Variants in ANOS1 observed in about 807,000 individuals in gnomAD.
The protein encoded by ANOS1 is anosmin 1, also known as anosmin-1.
ANOS1 carries 6 observed loss-of-function variants against 59.0 expected under a neutral mutation model. The observed-to-expected ratio is 0.10, with a 90% CI of 0.06 to 0.20. The LOEUF (loss-of-function observed/expected upper bound fraction) is 0.20. Ranked by LOEUF, ANOS1 falls within the 10% of genes least tolerant of loss-of-function variation. The pLI is 1.00. For missense variants in ANOS1, 433 were observed against 542.3 expected, an observed-to-expected ratio of 0.80 and a Z score of 2.00; for synonymous variants, 217 against 223.4, an observed-to-expected ratio of 0.97 and a Z score of 0.25.
intron 1 of ANOS1, among the ~76,000 whole-genome samples, chrX:8,707,849 G>T (rs774937525): frequency 8.9e-6 from 1 of 112,187 alleles, no homozygotes; most frequent in African/African-American, 3.2e-5. Context: ...GAAACTAATA[G>T]AATTGTGTTC....
Position 8,699,774 on chromosome X carries a change from T to C in ANOS1, c.208-29A>G, listed in dbSNP as rs1432561895. On this transcript the variant is annotated intron_variant, in intron 1 of 13. Coordinates refer to ENST00000262648, the MANE Select transcript of ANOS1 (RefSeq NM_000216.4). ...CAAAAAGAAAAAGGAAAAATATTGA[T>C]CCATTAGAAAGCTACACATACACAG... 8 of 1,112,075 alleles carry C rather than the reference T, an allele frequency of 7.2e-6. No homozygotes were observed. In the African/African-American group the frequency reaches 1.4e-4, roughly 20 times the overall value. 91.6% of individuals were successfully genotyped at this position (1,112,075 alleles called of 1,213,427 possible).
intron 2 of ANOS1, among the ~76,000 whole-genome samples, chrX:8,669,846 T>A (rs1487533294): frequency 1.8e-5 from 2 of 111,357 alleles, no homozygotes; most frequent in Non-Finnish European, 3.8e-5. Flanking sequence ...CAATTTAGAA[T>A]CCTATATAGA....
At chrX:8,705,600 C>T (rs1240279567) in intron 1 of ANOS1, among the ~76,000 whole-genome samples, 2 of 111,503 alleles carry the variant, frequency 1.8e-5, no homozygotes, top group Non-Finnish European at 3.8e-5. Context: ...GATGCTACCC[C>T]ATCACGATCC....
intron 8 of ANOS1, among the ~76,000 whole-genome samples, chrX:8,560,994 T>C (rs765810724): frequency 8.9e-6 from 1 of 112,208 alleles, no homozygotes; most frequent in South Asian, 3.7e-4. Flanking sequence ...TTATCGAAAC[T>C]CTTCTAATAA....
intron 8 of ANOS1, among the ~76,000 whole-genome samples, chrX:8,556,736 A>C (rs1929955836): frequency 8.9e-6 from 1 of 112,251 alleles, no homozygotes; most frequent in Non-Finnish European, 1.9e-5. Flanking sequence ...CAATATCGTG[A>C]AAATGGACAT....
chrX:8,709,601 G>C (rs1013961602), intron 1 of ANOS1, among the ~76,000 whole-genome samples: 5 of 111,884 alleles, frequency 4.5e-5, no homozygotes, highest in Non-Finnish European at 9.4e-5. Context: ...TATCTGCAAA[G>C]AGTATGACAT....
chrX:8,635,410 T>C (rs1226915744), intron 2 of ANOS1, among the ~76,000 whole-genome samples: 1 of 111,879 alleles, frequency 8.9e-6, no homozygotes, highest in African/African-American at 3.3e-5. Context: ...AGTCTGTGTT[T>C]ATTAAAAGTC....
chrX:8,651,182 C>T (rs1385542212), intron 2 of ANOS1, among the ~76,000 whole-genome samples: 2 of 112,350 alleles, frequency 1.8e-5, no homozygotes, highest in Non-Finnish European at 3.8e-5. Flanking sequence ...CCAGCCTAGC[C>T]CATGCTAGGA....
At position 8,553,929 on chromosome X, in the gene ANOS1, ATAAG is replaced by A. The variant is rs201866844; in HGVS notation, c.1354+19_1354+22del. On this transcript the variant is annotated intron_variant, in intron 9 of 13. Coordinates refer to ENST00000262648, the MANE Select transcript of ANOS1 (RefSeq NM_000216.4). The stretch of plus-strand genomic sequence containing the variant: ...CTGTGCTGTTTAAAGCAAGTAAGAA[ATAAG>A]TAAGTAATGTTTATGTACCTTCTGT... The A allele has an allele frequency of 7.5e-3, 8,888 of 1,187,970 alleles. 411 individuals are homozygous for A. In the African/African-American group the frequency reaches 0.14, roughly 18 times the overall value.
chrX:8,664,425 C>T lies in ANOS1; in HGVS notation c.255+35273G>A. On this transcript the variant is annotated intron_variant, in intron 2 of 13. Transcript: ENST00000262648. The stretch of plus-strand genomic sequence containing the variant: ...AGCCAGGATGGTCTCAATCTCCTGA[C>T]CTCGTGATCCGCCCACCTTGGCCTC... 1.8e-5 allele frequency among the ~76,000 whole-genome samples: 2 copies of T among 110,465 alleles called. 1 individual carries two copies. The highest frequency in any genetic ancestry group is 9.3e-3 in the Middle Eastern group (2 of 216).
Position 8,598,088 on chromosome X carries a change from T to C in ANOS1, c.319-832A>G, listed in dbSNP as rs183736395. 8.4e-3 allele frequency among the ~76,000 whole-genome samples: 938 copies of C among 112,188 alleles called. 19 individuals carry two copies. The highest frequency in any genetic ancestry group is 0.029 in the African/African-American group (886 of 30,907). On this transcript the variant is annotated intron_variant, in intron 3 of 13. Coordinates refer to ENST00000262648, the MANE Select transcript of ANOS1 (RefSeq NM_000216.4). ...TAGCACAGTTGTCTAAGCGTTCTAA[T>C]TGAACATATTTCAATAATTTCCAGC...
chrX:8,560,081 T>C (rs1033879691), intron 8 of ANOS1, among the ~76,000 whole-genome samples: 16 of 112,062 alleles, frequency 1.4e-4, no homozygotes, highest in African/African-American at 5.2e-4. Context: ...TTTACGTCAA[T>C]ACAGTAATCC....
At position 8,610,490 on chromosome X, in the gene ANOS1, G is replaced by A. The variant is rs1006673134; in HGVS notation, c.318+13118C>T. On this transcript the variant is annotated intron_variant, in intron 3 of 13. Transcript: ENST00000262648. ...GAGGCTGAGATGGCCAGATCTTGTG[G>A]GCAGACTGTAAAGCAGGATGAAACT... is the stretch of plus-strand genomic sequence containing the variant. Among the ~76,000 whole-genome samples, 3 of 111,941 alleles carry A rather than the reference G, an allele frequency of 2.7e-5. No homozygotes were observed. The Admixed American group carries it at 2.9e-4, about 11-fold the overall frequency.
At chrX:8,610,039 CAA>C (rs1931025297) in intron 3 of ANOS1, among the ~76,000 whole-genome samples, 1 of 33,321 alleles carries the variant, frequency 3.0e-5, no homozygotes, top group Non-Finnish European at 5.8e-5. Flanking sequence ...AAAAAAACAA[CAA>C]CCTTTAAAGA....
At chrX:8,609,026 C>T (rs749730776) in intron 3 of ANOS1, among the ~76,000 whole-genome samples, 5 of 112,143 alleles carry the variant, frequency 4.5e-5, no homozygotes, top group Admixed American at 9.5e-5. Flanking sequence ...ATAGTTTCCT[C>T]GTTATGAACA....
intron 2 of ANOS1, among the ~76,000 whole-genome samples, chrX:8,634,365 A>T (rs1370096454): frequency 1.8e-5 from 2 of 111,716 alleles, no homozygotes; most frequent in Non-Finnish European, 3.8e-5. Context: ...ATAGCCAAAA[A>T]AAAGAAAAAG....
chrX:8,656,079 A>G (rs989084381), intron 2 of ANOS1, among the ~76,000 whole-genome samples: 1 of 112,313 alleles, frequency 8.9e-6, no homozygotes, highest in Non-Finnish European at 1.9e-5. Flanking sequence ...AATATCAGGA[A>G]TGGAGCTAAG....
chrX:8,634,576 G>A (rs1161543127), intron 2 of ANOS1, among the ~76,000 whole-genome samples: 6 of 111,590 alleles, frequency 5.4e-5, no homozygotes, highest in Non-Finnish European at 1.1e-4. Context: ...AGATGACCAA[G>A]CCAGCAAAGA....
At chrX:8,613,515 T>C (rs1931104366) in intron 3 of ANOS1, among the ~76,000 whole-genome samples, 2 of 111,528 alleles carry the variant, frequency 1.8e-5, no homozygotes, top group African/African-American at 6.5e-5. Flanking sequence ...TGTGAGCCAC[T>C]GAGCCTAGCC....
Sources: gnomAD v4.1 joint callset for allele counts (sites outside exome capture counted in the v4.1 genomes callset) on GRCh38, gnomAD v4.1.1 for gene constraint, MANE v1.5 for transcripts, NCBI Gene and HGNC (gene_info 2026-07-23, HGNC 2026-07-21) for gene names.